Variants in RIPPLY3 observed in about 807,000 individuals in gnomAD.
RIPPLY3 encodes protein ripply3.
Under a neutral mutation model 11.9 loss-of-function variants are expected in RIPPLY3, and 8 were observed. The ratio of observed to expected loss-of-function variants is 0.67; its 90% CI spans 0.40 to 1.21. The LOEUF is 1.21. Among genes scored for constraint, RIPPLY3 ranks in the 50% most tolerant of loss-of-function variants. RIPPLY3 has a pLI of 0.01. For missense variants in RIPPLY3, 271 were observed against 246.0 expected (o/e 1.10, Z -0.68); for synonymous variants, 102 against 99.0 (o/e 1.03, Z -0.18).
At position 37,007,000 on chromosome 21, in the gene RIPPLY3, T is replaced by A; in HGVS notation, c.104+124T>A. 1.8e-6 allele frequency: 1 copy of A among 552,144 alleles called. No individual in the cohort carries two copies. Among genetic ancestry groups the A allele is most frequent in the Non-Finnish European group, 2.6e-6 (1 of 377,850 alleles). The allele number at this position is 552,144 out of a possible 1,614,324, so 34.2% of individuals were successfully genotyped here. On this transcript the variant is annotated intron_variant, in intron 1 of 3. Transcript: ENST00000329553. This position sits in a 1 kb window ranked among gnomAD's most constrained non-coding sequence, Gnocchi z 5.2. ...CCGATCCCCAGCGGAGCTCCGGAGCTCGACGGCGACGCCAAGCAAGCTCCT... is the reference window on the plus strand; with the variant it reads ...CCGATCCCCAGCGGAGCTCCGGAGCACGACGGCGACGCCAAGCAAGCTCCT...
chr21:37,007,357 T>G (rs1444961111), intron 1 of RIPPLY3, among the ~76,000 whole-genome samples: 1 of 148,150 alleles, frequency 6.7e-6, no homozygotes, highest in Non-Finnish European at 1.5e-5. Context: ...AGGGACCGGG[T>G]AGGCCGGATG....
intron 2 of RIPPLY3, among the ~76,000 whole-genome samples, chr21:37,009,897 C>G (rs5017261): frequency 0.24 from 36,626 of 151,922 alleles, 4,484 homozygotes; most frequent in South Asian, 0.35. Context: ...AATCCTCACC[C>G]CTAGCCCGGA....
chr21:37,009,492 T>G (rs1243954213), intron 2 of RIPPLY3, among the ~76,000 whole-genome samples: 1 of 152,224 alleles, frequency 6.6e-6, no homozygotes, highest in Non-Finnish European at 1.5e-5. Context: ...CAAGAGATGA[T>G]TTTTAGTCCC....
At chr21:37,016,682 A>AATT (rs1398691070) in intron 3 of RIPPLY3, among the ~76,000 whole-genome samples, 1 of 152,020 alleles carries the variant, frequency 6.6e-6, no homozygotes, top group Admixed American at 6.6e-5. Context: ...AAATATAAAG[A>AATT]ATTAGCTGGA....
intron 3 of RIPPLY3, among the ~76,000 whole-genome samples, chr21:37,013,898 A>G (rs950219438): frequency 6.6e-6 from 1 of 152,194 alleles, no homozygotes; most frequent in African/African-American, 2.4e-5. Flanking sequence ...GCCTTGTATT[A>G]TATTTATATA....
intron 1 of RIPPLY3, 24 bp from the exon 2 acceptor site, chr21:37,008,133 C>A: frequency 6.2e-7 from 1 of 1,613,262 alleles, no homozygotes; most frequent in Non-Finnish European, 8.5e-7. Flanking sequence ...AGGGTTCACT[C>A]TCTCCTGGCG....
At chr21:37,017,805 G>C (rs941501054) in intron 3 of RIPPLY3, 69 bp from the exon 4 acceptor site, 1 of 1,329,836 alleles carries the variant, frequency 7.5e-7, no homozygotes, top group East Asian at 2.4e-5. Context: ...CTGGGAAAAA[G>C]CACCCTCTAG....
At chr21:37,014,318 C>T (rs559790371) in intron 3 of RIPPLY3, among the ~76,000 whole-genome samples, 6 of 151,378 alleles carry the variant, frequency 4.0e-5, no homozygotes, top group Admixed American at 3.3e-4. Flanking sequence ...AACTCTGTCT[C>T]CAAAAAAAAA....
intron 3 of RIPPLY3, among the ~76,000 whole-genome samples, chr21:37,015,311 G>A (rs955547793): frequency 9.9e-5 from 15 of 152,164 alleles, no homozygotes; most frequent in East Asian, 1.9e-4. Context: ...TTACAGGTGC[G>A]TGCTGCCATG....
chr21:37,013,876 A>T (rs566222339), intron 3 of RIPPLY3, among the ~76,000 whole-genome samples: 6 of 152,258 alleles, frequency 3.9e-5, no homozygotes, highest in African/African-American at 1.4e-4. Context: ...TCTACTTCTC[A>T]TTACAAATTG....
chr21:37,013,755 C>T (rs1244984325), intron 3 of RIPPLY3, 137 bp downstream of exon 3: 16 of 593,642 alleles, frequency 2.7e-5, no homozygotes, highest in Non-Finnish European at 3.7e-5. Context: ...TGTTTAGTTT[C>T]CTTATACCAA....
intron 3 of RIPPLY3, among the ~76,000 whole-genome samples, chr21:37,014,373 C>T (rs562018248): frequency 2.1e-4 from 32 of 152,158 alleles, no homozygotes; most frequent in Non-Finnish European, 4.0e-4. Context: ...CAGTGGGTGC[C>T]GTGCACCTTT....
chr21:37,011,925 G>A (rs1236595887), intron 2 of RIPPLY3, among the ~76,000 whole-genome samples: 3 of 81,046 alleles, frequency 3.7e-5, no homozygotes, highest in Non-Finnish European at 6.2e-5. Context: ...GTAAGACTCC[G>A]TCTCAAAAAA....
rs1371070723 is a variant in RIPPLY3 at position 37,013,574 on chromosome 21, C to T, written c.195C>T (p.His65=). The T allele has an allele frequency of 3.1e-6, 5 of 1,613,702 alleles. No homozygotes were observed. In the Admixed American group the frequency reaches 5.0e-5, roughly 16 times the overall value. ...GRPLEPRADQ[H]TFGSKGAFGF... ...AGCTTGAACCTAGGGCTGACCAACA[C>T]ACTTTTGGATCAAAGGGAGCCTTTG... is the stretch of plus-strand genomic sequence containing the variant. Residue 65 remains histidine, a synonymous_variant, in exon 3 of 4, where the codon CAC becomes CAT. Transcript: ENST00000329553.
intron 3 of RIPPLY3, among the ~76,000 whole-genome samples, chr21:37,014,172 G>A (rs1178144429): frequency 6.6e-6 from 1 of 152,052 alleles, no homozygotes; most frequent in East Asian, 1.9e-4. Flanking sequence ...CAAAAAATTA[G>A]CTGGGCATGG....
intron 2 of RIPPLY3, among the ~76,000 whole-genome samples, chr21:37,009,902 C>T (rs2069503395): frequency 6.9e-6 from 1 of 144,994 alleles, no homozygotes; most frequent in South Asian, 2.3e-4. Context: ...TCACCCCTAG[C>T]CCGGAGCCCG....
chr21:37,015,568 T>C, intron 3 of RIPPLY3, among the ~76,000 whole-genome samples: 1 of 152,204 alleles, frequency 6.6e-6, no homozygotes, highest in East Asian at 1.9e-4. Flanking sequence ...ATATTTTTAT[T>C]ACAGAAAATT....
At chr21:37,008,756 CAAAAAAAAAAAA>C (rs71198845) in intron 2 of RIPPLY3, among the ~76,000 whole-genome samples, 1 of 81,644 alleles carries the variant, frequency 1.2e-5, no homozygotes, top group East Asian at 4.0e-4. Flanking sequence ...AGACTCATCT[CAAAAAAAAAAAA>C]AAAAAAAAAA....
rs1952109223 is a variant in RIPPLY3, at chr21:37,018,459, A to C, written c.*252A>C. On this transcript the variant is annotated 3_prime_UTR_variant, in exon 4 of 4. Coordinates refer to ENST00000329553, the MANE Select transcript of RIPPLY3 (RefSeq NM_018962.3). ...GGAGAAAGAGAAGGTCTATGTCAAC[A>C]GAGTTGTTATCTCATAGAGCCAGTT... The C allele has an allele frequency of 5.8e-6, 3 of 512,918 alleles. No homozygotes were observed. The highest frequency in any genetic ancestry group is 1.0e-5 in the Non-Finnish European group (3 of 286,286). 31.8% of individuals were successfully genotyped at this position (512,918 alleles called of 1,614,324 possible). A position where few individuals can be genotyped will look rare whatever the true frequency, so the allele number is the denominator to read the frequency against.
Sources: allele counts gnomAD v4.1 joint callset (sites outside exome capture counted in the v4.1 genomes callset), GRCh38; gene constraint gnomAD v4.1.1; non-coding constraint Gnocchi (gnomAD v3.1); transcripts MANE v1.5; gene names NCBI Gene and HGNC (gene_info 2026-07-23, HGNC 2026-07-21).